The following WDR72 variants were observed in gnomAD, a reference collection of about 807,000 sequenced individuals.
WDR72 encodes WD repeat-containing protein 72.
Under a neutral mutation model 124.2 loss-of-function variants are expected in WDR72, and 120 were observed. That is an observed-to-expected ratio of 0.97 (90% CI 0.83 to 1.12). The LOEUF (loss-of-function observed/expected upper bound fraction) is 1.12, where lower values mean the gene tolerates loss of function less well. Among genes scored for constraint, WDR72 ranks in the 50% most tolerant of loss-of-function variants. WDR72 has a pLI of 0.00. For missense variants in WDR72, 1,387 were observed against 1,278.8 expected (o/e 1.08, Z -1.29); for synonymous variants, 452 against 441.7 (o/e 1.02, Z -0.29).
At chr15:53,746,543 T>C (rs922509217) in intron 1 of WDR72, among the ~76,000 whole-genome samples, 2 of 152,128 alleles carry the variant, frequency 1.3e-5, no homozygotes, top group African/African-American at 4.8e-5. Flanking sequence ...TGAGATAAAA[T>C]AGGCCTGGGT....
rs1282939856 is a variant in WDR72, at chr15:53,759,620, G to A, written c.-13+13C>T. 6.6e-6 allele frequency: 1 copy of A among 152,440 alleles called. No homozygotes were observed. Among genetic ancestry groups the A allele is most frequent in the Non-Finnish European group, 1.5e-5 (1 of 68,232 alleles). The allele number at this position is 152,440 out of a possible 1,614,324, so 9.4% of individuals were successfully genotyped here. A position where few individuals can be genotyped will look rare whatever the true frequency, so the allele number is the denominator to read the frequency against. On this transcript the variant is annotated intron_variant, in intron 1 of 19. Coordinates refer to ENST00000360509, the MANE Select transcript of WDR72 (RefSeq NM_182758.4). ...CGGCAGCCCGACCTGCGCTCTGGGG[G>A]TGCCTGCCTTACCTGAGCCGTGGGG...
chr15:53,578,241 C>A (rs2011716624), intron 18 of WDR72, among the ~76,000 whole-genome samples: 1 of 152,008 alleles, frequency 6.6e-6, no homozygotes, highest in Admixed American at 6.6e-5. Context: ...GAAAAGAAAC[C>A]AGGTGATGAA....
intron 13 of WDR72, among the ~76,000 whole-genome samples, chr15:53,670,537 A>G (rs1263800026): frequency 2.0e-5 from 3 of 152,208 alleles, no homozygotes; most frequent in Non-Finnish European, 4.4e-5. Context: ...CCAGGGGGAC[A>G]ACAAGGACAC....
intron 14 of WDR72, among the ~76,000 whole-genome samples, chr15:53,645,270 A>G (rs1270517831): frequency 6.6e-6 from 1 of 152,154 alleles, no homozygotes; most frequent in Non-Finnish European, 1.5e-5. Context: ...TTTCTGTGAC[A>G]TTATAAAGCT....
chr15:53,715,967 T>C (rs1263364373), intron 4 of WDR72, among the ~76,000 whole-genome samples: 1 of 152,228 alleles, frequency 6.6e-6, no homozygotes, highest in Admixed American at 6.5e-5. Flanking sequence ...GATCAAGTAA[T>C]GCATTCTACT....
At chr15:53,543,764 A>G (rs1893290906) in intron 18 of WDR72, among the ~76,000 whole-genome samples, 1 of 152,178 alleles carries the variant, frequency 6.6e-6, no homozygotes, top group East Asian at 1.9e-4. Flanking sequence ...AATAAAGAAA[A>G]AAAGAGAGAA....
upstream of WDR72, among the ~76,000 whole-genome samples, chr15:53,760,768 G>C (rs185640038): frequency 6.6e-6 from 1 of 152,088 alleles, no homozygotes; most frequent in Non-Finnish European, 1.5e-5. Flanking sequence ...ATTATTCTCC[G>C]TAGTGGTGGT....
intron 1 of WDR72, among the ~76,000 whole-genome samples, chr15:53,734,423 C>T (rs1000600688): frequency 6.6e-6 from 1 of 152,160 alleles, no homozygotes; most frequent in Non-Finnish European, 1.5e-5. Context: ...TACTACAAAG[C>T]TACCCAGAGA....
At chr15:53,695,117 A>C (rs892992501) in intron 13 of WDR72, among the ~76,000 whole-genome samples, 1 of 152,230 alleles carries the variant, frequency 6.6e-6, no homozygotes, top group Non-Finnish European at 1.5e-5. Flanking sequence ...ATTTTTAAAA[A>C]GTATTATTTT....
At chr15:53,638,013 T>A (rs1318976075) in intron 14 of WDR72, among the ~76,000 whole-genome samples, 3 of 152,192 alleles carry the variant, frequency 2.0e-5, no homozygotes, top group Non-Finnish European at 4.4e-5. Flanking sequence ...ATTCATTGAA[T>A]GAAAAATTTG....
At chr15:53,586,218 C>T (rs4776161) in intron 18 of WDR72, among the ~76,000 whole-genome samples, 104,607 of 151,856 alleles carry the variant, frequency 0.69, 36,981 homozygotes, top group Middle Eastern at 0.84. Context: ...CTGGTTATTG[C>T]CTATTCTGGT....
upstream of WDR72, among the ~76,000 whole-genome samples, chr15:53,761,342 G>A (rs1203626753): frequency 1.3e-5 from 2 of 152,148 alleles, no homozygotes; most frequent in Non-Finnish European, 2.9e-5. Context: ...GATGTGGAGA[G>A]AAGGGAACCC....
rs1019025792 is a variant in WDR72 at position 53,514,964 on chromosome 15, C to T, written c.*2735G>A. On this transcript the variant is annotated 3_prime_UTR_variant, in exon 20 of 20. Coordinates refer to ENST00000360509, the MANE Select transcript of WDR72 (RefSeq NM_182758.4). ...GAAACTCAACAGCAAGTCAAAGAATCAAGGCTTGCAAATGAAAATATGATA... is the reference window on the plus strand; with the variant it reads ...GAAACTCAACAGCAAGTCAAAGAATTAAGGCTTGCAAATGAAAATATGATA... The T allele has an allele frequency of 4.9e-5, 5 of 103,048 alleles. No homozygotes were observed. The highest frequency in any genetic ancestry group is 1.6e-4 in the African/African-American group (5 of 30,932). 6.4% of individuals were successfully genotyped at this position (103,048 alleles called of 1,614,324 possible).
chr15:53,585,060 C>T (rs1380713741), intron 18 of WDR72, among the ~76,000 whole-genome samples: 1 of 151,926 alleles, frequency 6.6e-6, no homozygotes, highest in Non-Finnish European at 1.5e-5. Context: ...TGCCTACATC[C>T]CCCACTTCTC....
chr15:53,656,677 A>G (rs1007568366), intron 14 of WDR72, among the ~76,000 whole-genome samples: 3 of 152,214 alleles, frequency 2.0e-5, no homozygotes, highest in African/African-American at 7.2e-5. Flanking sequence ...GTTATAAGCA[A>G]CTAATAGTTT....
At chr15:53,609,464 G>T in intron 17 of WDR72, 49 bp downstream of exon 17, 1 of 1,517,520 alleles carries the variant, frequency 6.6e-7, no homozygotes, top group South Asian at 1.1e-5. Flanking sequence ...ATGAACCACA[G>T]CAGCAAGGAA....
chr15:53,686,338 T>C (rs1023985821), intron 13 of WDR72, among the ~76,000 whole-genome samples: 1 of 151,902 alleles, frequency 6.6e-6, no homozygotes, highest in Non-Finnish European at 1.5e-5. Flanking sequence ...GAGACACACA[T>C]AGGCTCAAAA....
chr15:53,647,849 CAA>C (rs572101455), intron 14 of WDR72, among the ~76,000 whole-genome samples: 110 of 152,188 alleles, frequency 7.2e-4, no homozygotes, highest in African/African-American at 2.6e-3. Context: ...CAGGTGGAAA[CAA>C]GAGAGGCCTG....
At chr15:53,712,506 AACTGCT>A (rs1165256612) in intron 7 of WDR72, among the ~76,000 whole-genome samples, 1 of 146,680 alleles carries the variant, frequency 6.8e-6, no homozygotes. Flanking sequence ...GAGGCAGGAG[AACTGCT>A]TGAACCTGGG....
Sources: gnomAD v4.1 joint callset for allele counts (sites outside exome capture counted in the v4.1 genomes callset) on GRCh38, gnomAD v4.1.1 for gene constraint, MANE v1.5 for transcripts, NCBI Gene and HGNC (gene_info 2026-07-23, HGNC 2026-07-21) for gene names.